Variants in NBAS observed in about 807,000 individuals in gnomAD.
NBAS encodes the protein NBAS subunit of NRZ tethering complex, also known as NAG/BC035112 fusion.
In NBAS, 219 loss-of-function variants were observed where a neutral mutation model predicts 302.5. That is an observed-to-expected ratio of 0.72 (90% confidence interval 0.65 to 0.81). NBAS has a LOEUF of 0.81. Among genes scored for constraint, NBAS ranks in the 30% least tolerant of loss-of-function variants. The pLI, the probability that NBAS is intolerant of heterozygous loss-of-function variation, is 0.00. For missense variants in NBAS, 2,932 were observed against 2,841.6 expected (o/e 1.03, Z -0.72); for synonymous variants, 1,118 against 1,021.6 (o/e 1.09, Z -1.80).
chr2:15,486,585 G>C (rs1164001200), intron 12 of NBAS, among the ~76,000 whole-genome samples: 1 of 152,156 alleles, frequency 6.6e-6, no homozygotes, highest in Non-Finnish European at 1.5e-5. Flanking sequence ...CTTCTAGCCT[G>C]AATGCCTCTC....
At chr2:15,310,782 G>C (rs569161459) in intron 38 of NBAS, among the ~76,000 whole-genome samples, 1 of 152,264 alleles carries the variant, frequency 6.6e-6, no homozygotes, top group South Asian at 2.1e-4. Flanking sequence ...TTCCCCACCT[G>C]GGTGTGTCCT....
chr2:15,185,224 T>G (rs1048783564), intron 50 of NBAS, among the ~76,000 whole-genome samples: 1 of 152,138 alleles, frequency 6.6e-6, no homozygotes, highest in African/African-American at 2.4e-5. Context: ...TGGAGATAAA[T>G]GAATCTCCTT....
chr2:15,275,372 C>A, intron 44 of NBAS, 112 bp downstream of exon 44: 1 of 1,263,470 alleles, frequency 7.9e-7, no homozygotes, highest in Non-Finnish European at 1.1e-6. Context: ...TTTAAAAAGC[C>A]AACATGTAAT....
intron 25 of NBAS, among the ~76,000 whole-genome samples, chr2:15,412,217 C>T (rs1558314861): frequency 6.6e-6 from 1 of 152,140 alleles, no homozygotes; most frequent in Admixed American, 6.5e-5. Context: ...TTCTTCCCTG[C>T]CCCATTAACA....
chr2:15,426,580 A>G (rs1677489253), intron 22 of NBAS, among the ~76,000 whole-genome samples: 1 of 152,136 alleles, frequency 6.6e-6, no homozygotes. Flanking sequence ...ACCAACTATC[A>G]CATTTTTAAT....
chr2:15,424,605 A>T, intron 22 of NBAS, 137 bp from the exon 23 acceptor site: 2 of 940,534 alleles, frequency 2.1e-6, no homozygotes, highest in Non-Finnish European at 3.4e-6. Flanking sequence ...TTGTGTATCT[A>T]TCACATGCAC....
intron 44 of NBAS, among the ~76,000 whole-genome samples, chr2:15,239,084 T>C (rs899375091): frequency 3.3e-5 from 5 of 152,104 alleles, no homozygotes; most frequent in Non-Finnish European, 7.4e-5. Flanking sequence ...ACTATTAATA[T>C]AACCTCAAAA....
At chr2:14,868,149 T>C in the NBAS span, among the ~76,000 whole-genome samples, 1 of 152,198 alleles carries the variant, frequency 6.6e-6, no homozygotes, top group Non-Finnish European at 1.5e-5. Context: ...CTAAGCAATT[T>C]GCTTAACATT....
the NBAS span, among the ~76,000 whole-genome samples, chr2:14,831,496 A>T: frequency 2.6e-5 from 4 of 152,228 alleles, no homozygotes; most frequent in African/African-American, 9.6e-5. Flanking sequence ...ACTACTTAAT[A>T]ATGCAGGGGA....
At chr2:15,341,655 GAAGA>G (rs1183873626) in intron 35 of NBAS, among the ~76,000 whole-genome samples, 1 of 152,040 alleles carries the variant, frequency 6.6e-6, no homozygotes, top group Non-Finnish European at 1.5e-5. Flanking sequence ...CAGCGGGATA[GAAGA>G]AAGAATAAAA....
At chr2:15,032,629 T>G in the NBAS span, among the ~76,000 whole-genome samples, 2 of 152,194 alleles carry the variant, frequency 1.3e-5, no homozygotes, top group African/African-American at 2.4e-5. Context: ...AGAAAATTTT[T>G]GGCCTATCTA....
At chr2:15,398,310 A>T (rs1026785940) in intron 26 of NBAS, among the ~76,000 whole-genome samples, 1 of 151,968 alleles carries the variant, frequency 6.6e-6, no homozygotes, top group African/African-American at 2.4e-5. Flanking sequence ...AACCCAGCTA[A>T]TTTTTAAATT....
At chr2:15,507,369 T>G (rs1661910807) in intron 10 of NBAS, among the ~76,000 whole-genome samples, 1 of 151,724 alleles carries the variant, frequency 6.6e-6, no homozygotes, top group African/African-American at 2.4e-5. Context: ...TTTCAAAAAG[T>G]CTATGTTCTT....
intron 21 of NBAS, among the ~76,000 whole-genome samples, chr2:15,447,858 T>C (rs1678823310): frequency 6.6e-6 from 1 of 152,212 alleles, no homozygotes; most frequent in South Asian, 2.1e-4. Flanking sequence ...CAGAAATTTA[T>C]GTCTCACAGT....
intron 28 of NBAS, among the ~76,000 whole-genome samples, chr2:15,391,569 CTAATAGATGTATAAT>C (rs1675606494): frequency 6.6e-6 from 1 of 151,922 alleles, no homozygotes; most frequent in African/African-American, 2.4e-5. Flanking sequence ...CTGAAAGGTC[CTAATAGATGTATAAT>C]TGGAGTCCTG....
In NBAS at chr2:15,279,412, A is replaced by G. The variant is rs116302279; in HGVS notation, c.5139-2311T>C. Among the ~76,000 whole-genome samples the G allele has an allele frequency of 6.1e-3, 923 of 152,280 alleles. 4 individuals carry two copies. The highest frequency in any genetic ancestry group is 0.019 in the African/African-American group (795 of 41,558). On this transcript the variant is annotated intron_variant, in intron 42 of 51. Transcript: ENST00000281513. ...CCATATCAACAACCACTTCAAAACC[A>G]GGATTCTTTCTGCAACACAGATATG...
At chr2:15,377,225 C>G (rs188942163) in intron 30 of NBAS, among the ~76,000 whole-genome samples, 40 of 152,062 alleles carry the variant, frequency 2.6e-4, no homozygotes, top group Middle Eastern at 3.4e-3. Flanking sequence ...GATGAACACC[C>G]CAAAAGAAAA....
the NBAS span, among the ~76,000 whole-genome samples, chr2:14,978,193 A>G: frequency 6.6e-6 from 1 of 152,142 alleles, no homozygotes; most frequent in South Asian, 2.1e-4. Flanking sequence ...TCCTCTGTGC[A>G]ACTTTCCCTG....
At chr2:15,547,241 C>A (rs1664158621) in intron 6 of NBAS, among the ~76,000 whole-genome samples, 1 of 152,174 alleles carries the variant, frequency 6.6e-6, no homozygotes, top group African/African-American at 2.4e-5. Context: ...GTAGACTCTG[C>A]AATATGTAGT....
Sources: allele counts gnomAD v4.1 joint callset (sites outside exome capture counted in the v4.1 genomes callset), GRCh38; gene constraint gnomAD v4.1.1; transcripts MANE v1.5; gene names NCBI Gene and HGNC (gene_info 2026-07-23, HGNC 2026-07-21).